Variants in EPOR observed in about 807,000 individuals in gnomAD.
EPOR encodes the protein erythropoietin receptor.
A neutral mutation model predicts 34.3 loss-of-function variants in EPOR; 20 were observed. That is an observed-to-expected ratio of 0.58 (90% CI 0.41 to 0.85). EPOR has a LOEUF of 0.85. Among genes scored for constraint, EPOR ranks in the 40% least tolerant of loss-of-function variants. The pLI, the probability that EPOR is intolerant of heterozygous loss-of-function variation, is 0.00. For synonymous variants in EPOR, 312 were observed against 299.0 expected (o/e 1.04, Z -0.45); for missense variants, 601 against 672.7 (o/e 0.89, Z 1.18).
chr19:11,381,800 G>A lies in EPOR; in HGVS notation c.477C>T (p.Ser159=), dbSNP rs1162664410. ...VGLVARLADE[S]GHVVLRWLPP... is the part of the protein sequence containing the mutation. Reference sequence around the variant, plus strand: ...GGAGCCAGCGCAACACTACGTGGCCGCTCTCGTCAGCCAACCGCGCCACCA... The same window carrying A: ...GGAGCCAGCGCAACACTACGTGGCCACTCTCGTCAGCCAACCGCGCCACCA... The change falls in exon 4 of 8, where the codon AGC becomes AGT. Residue 159 remains serine (S), a synonymous_variant. Coordinates refer to ENST00000222139, the MANE Select transcript of EPOR (RefSeq NM_000121.4). This position sits in a 1 kb window ranked among gnomAD's most constrained non-coding sequence, Gnocchi z 5.3. 1.2e-6 allele frequency: 2 copies of A among 1,613,694 alleles called. No individual in the cohort carries two copies. Among genetic ancestry groups the A allele is most frequent in the Non-Finnish European group, 1.7e-6 (2 of 1,179,818 alleles).
intron 6 of EPOR, among the ~76,000 whole-genome samples, 168 bp downstream of exon 6, chr19:11,380,716 G>C (rs557748676): frequency 6.6e-6 from 1 of 152,326 alleles, no homozygotes; most frequent in East Asian, 1.9e-4. Flanking sequence ...AAATGTTAAC[G>C]AAGAGTCTGG....
In EPOR at chr19:11,383,052, AC is replaced by A; in HGVS notation, c.251+44del. On this transcript the variant is annotated intron_variant, in intron 2 of 7. Coordinates refer to ENST00000222139, the MANE Select transcript of EPOR (RefSeq NM_000121.4). This position sits in a 1 kb window ranked among gnomAD's most constrained non-coding sequence, Gnocchi z 4.9. ...TACGACCTCCAGGGAGCTCTGCCCC[AC>A]CCCCTCCCTCCGCCCTTGGAGGCAC... The A allele has an allele frequency of 6.3e-7, 1 of 1,579,788 alleles. No homozygotes were observed.
In EPOR at chr19:11,381,225, G is replaced by A. The variant is rs1968352611; in HGVS notation, c.586-16C>T. The A allele has an allele frequency of 1.9e-6, 3 of 1,548,896 alleles. No individual in the cohort carries two copies. The highest frequency in any genetic ancestry group is 8.7e-7 in the Non-Finnish European group (1 of 1,146,952). On this transcript the variant is annotated splice_polypyrimidine_tract_variant and intron_variant, in intron 4 of 7. Transcript: ENST00000222139. The surrounding 1 kb of genome is among the most constrained non-coding windows in gnomAD (Gnocchi z 5.3). ...GGATCTCCACCTGGGGGCGGAATCAGGGCGAGGGACGCGTAGCAGACAAAA... is the reference window on the plus strand; with the variant it reads ...GGATCTCCACCTGGGGGCGGAATCAAGGCGAGGGACGCGTAGCAGACAAAA...
Position 11,378,887 on chromosome 19 carries a change from A to G in EPOR, c.828-109T>C, listed in dbSNP as rs2144695111. 8.9e-7 allele frequency: 1 copy of G among 1,121,690 alleles called. No individual in the cohort carries two copies. The highest frequency in any genetic ancestry group is 1.5e-5 in the African/African-American group (1 of 65,442). 69.5% of individuals were successfully genotyped at this position (1,121,690 alleles called of 1,614,324 possible). A position where few individuals can be genotyped will look rare whatever the true frequency, so the allele number is the denominator to read the frequency against. On this transcript the variant is annotated intron_variant, in intron 6 of 7. Coordinates refer to ENST00000222139, the MANE Select transcript of EPOR (RefSeq NM_000121.4). This position sits in a 1 kb window ranked among gnomAD's most constrained non-coding sequence, Gnocchi z 5.3. ...ACAGATACACTTGGTCCCTGTGATCACAATGGAGGCAGAGGAGTACATCAG... is the reference window on the plus strand; with the variant it reads ...ACAGATACACTTGGTCCCTGTGATCGCAATGGAGGCAGAGGAGTACATCAG...
In EPOR at chr19:11,381,826, G is replaced by GC. The variant is rs1419411220; in HGVS notation, c.450dup (p.Leu151AlafsTer7). 1 of 1,613,874 alleles carries GC rather than the reference G, an allele frequency of 6.2e-7. No homozygotes were observed. Among genetic ancestry groups the GC allele is most frequent in the Non-Finnish European group, 8.5e-7 (1 of 1,179,924 alleles). Reference sequence around the variant, plus strand: ...CTCTCGTCAGCCAACCGCGCCACCAGCCCCACGGGGGCGTCTAGGAGCACT... The same window carrying GC: ...CTCTCGTCAGCCAACCGCGCCACCAGCCCCCACGGGGGCGTCTAGGAGCACT... On this transcript the variant is annotated frameshift_variant, in exon 4 of 8. Transcript: ENST00000222139. LOFTEE classifies it high-confidence loss of function. This position sits in a 1 kb window ranked among gnomAD's most constrained non-coding sequence, Gnocchi z 5.3.
rs766378891 is a variant in EPOR, at chr19:11,378,546, G to A, written c.965C>T (p.Pro322Leu). The A allele has an allele frequency of 1.2e-6, 2 of 1,614,188 alleles. No individual in the cohort carries two copies. The highest frequency in any genetic ancestry group is 1.3e-5 in the African/African-American group (1 of 75,050). ...GGAAGCAGGTGGGTCCTCCGTGAAGGGGGTGCAGGGGCTCCACCACAGGCA... is the reference window on the plus strand; with the variant it reads ...GGAAGCAGGTGGGTCCTCCGTGAAGAGGGTGCAGGGGCTCCACCACAGGCA... ...DGCLWWSPCTPFTEDPPASLE... is the reference protein window; with the variant it reads ...DGCLWWSPCTLFTEDPPASLE... Residue 322 changes from proline to leucine, a missense_variant, in exon 8 of 8, where the codon CCC becomes CTC. Pro to Leu is a moderately conservative substitution (Grantham distance 98). Coordinates refer to ENST00000222139, the MANE Select transcript of EPOR (RefSeq NM_000121.4). This position sits in a 1 kb window ranked among gnomAD's most constrained non-coding sequence, Gnocchi z 5.3.
At position 11,381,967 on chromosome 19, in the gene EPOR, AG is replaced by A; in HGVS notation, c.389del (p.Ala130ValfsTer13). The A allele has an allele frequency of 6.2e-7, 1 of 1,614,162 alleles. No individual in the cohort carries two copies. Among genetic ancestry groups the A allele is most frequent in the Non-Finnish European group, 8.5e-7 (1 of 1,180,028 alleles). On this transcript the variant is annotated frameshift_variant, in exon 3 of 8. Coordinates refer to ENST00000222139, the MANE Select transcript of EPOR (RefSeq NM_000121.4). LOFTEE classifies it high-confidence loss of function. The surrounding 1 kb of genome is among the most constrained non-coding windows in gnomAD (Gnocchi z 5.3). The stretch of plus-strand genomic sequence containing the variant: ...TGTGGATGACACGGTGATATCGCGG[AG>A]CGCCGGAGGCTGCTGTGACGCGCAA... ...LELRVTAASGAPRYHRVIHIN... is the reference protein window; with the variant it reads ...LELRVTAASGXPRYHRVIHIN...
At position 11,378,004 on chromosome 19, in the gene EPOR, T is replaced by G; in HGVS notation, c.1507A>C (p.Ser503Arg). Residue 503 changes from serine to arginine, a missense_variant, in exon 8 of 8, where the codon AGC (serine) becomes CGC (arginine). Coordinates refer to ENST00000222139, the MANE Select transcript of EPOR (RefSeq NM_000121.4). This position sits in a 1 kb window ranked among gnomAD's most constrained non-coding sequence, Gnocchi z 5.3. ...LIPAAEPLPPSYVACS is the reference protein window; with the variant it reads ...LIPAAEPLPPRYVACS ...GTGTCCTAAGAGCAAGCCACATAGC[T>G]GGGGGGCAGAGGCTCAGCGGCTGGG... The G allele has an allele frequency of 6.2e-7, 1 of 1,614,096 alleles. No individual in the cohort carries two copies. Among genetic ancestry groups the G allele is most frequent in the South Asian group, 1.1e-5 (1 of 91,078 alleles).
rs1968292134 is a variant in EPOR at position 11,377,251 on chromosome 19, T to C, written c.*733A>G. The C allele has an allele frequency of 2.2e-6, 1 of 453,996 alleles. No individual in the cohort carries two copies. Among genetic ancestry groups the C allele is most frequent in the Non-Finnish European group, 4.4e-6 (1 of 226,798 alleles). 28.1% of individuals were successfully genotyped at this position (453,996 alleles called of 1,614,324 possible). On this transcript the variant is annotated 3_prime_UTR_variant, in exon 8 of 8. Coordinates refer to ENST00000222139, the MANE Select transcript of EPOR (RefSeq NM_000121.4). Reference sequence around the variant, plus strand: ...ATTATTATTAGTGGCAGAGACTAGCTAGTGGCCCTTAAACAGCTTTGCCCT... The same window carrying C: ...ATTATTATTAGTGGCAGAGACTAGCCAGTGGCCCTTAAACAGCTTTGCCCT...
Position 11,377,792 on chromosome 19 carries a change from G to T in EPOR, c.*192C>A. ...ATACATATGTGTATATATATATATA[G>T]ATACAAAAAAAAACTATACATATTT... On this transcript the variant is annotated 3_prime_UTR_variant, in exon 8 of 8. Transcript: ENST00000222139. The T allele has an allele frequency of 1.4e-6, 1 of 735,872 alleles. No homozygotes were observed. The highest frequency in any genetic ancestry group is 2.4e-6 in the Non-Finnish European group (1 of 409,124). 45.6% of individuals were successfully genotyped at this position (735,872 alleles called of 1,614,324 possible). A position where few individuals can be genotyped will look rare whatever the true frequency, so the allele number is the denominator to read the frequency against.
In EPOR at chr19:11,381,864, G is replaced by C. The variant is rs778995825; in HGVS notation, c.428-15C>G. The stretch of plus-strand genomic sequence containing the variant: ...GTCTAGGAGCACTGCAGGCATGGGG[G>C]TTGGTCAGGTGGGCGAGGACTGAGA... On this transcript the variant is annotated splice_polypyrimidine_tract_variant and intron_variant, in intron 3 of 7. Transcript: ENST00000222139. The surrounding 1 kb of genome is among the most constrained non-coding windows in gnomAD (Gnocchi z 5.3). 1 of 1,614,180 alleles carries C rather than the reference G, an allele frequency of 6.2e-7. No individual in the cohort carries two copies. The highest frequency in any genetic ancestry group is 1.7e-5 in the Admixed American group (1 of 60,032).
At position 11,383,294 on chromosome 19, in the gene EPOR, C is replaced by T; in HGVS notation, c.116-62G>A. ...GAGCTCTATCCTCGGGAGACAGCCC[C>T]CTCCTCTTCCCTCCCGCAGCCTGGG... is the stretch of plus-strand genomic sequence containing the variant. On this transcript the variant is annotated intron_variant, in intron 1 of 7. Transcript: ENST00000222139. This position sits in a 1 kb window ranked among gnomAD's most constrained non-coding sequence, Gnocchi z 4.9. The T allele has an allele frequency of 2.1e-6, 3 of 1,450,902 alleles. No individual in the cohort carries two copies. The highest frequency in any genetic ancestry group is 1.4e-5 in the African/African-American group (1 of 70,910). The allele number at this position is 1,450,902 out of a possible 1,614,324, so 89.9% of individuals were successfully genotyped here.
chr19:11,381,639 C>T lies in EPOR; in HGVS notation c.585+53G>A, dbSNP rs1038487205. On this transcript the variant is annotated intron_variant, in intron 4 of 7. Transcript: ENST00000222139. This position sits in a 1 kb window ranked among gnomAD's most constrained non-coding sequence, Gnocchi z 5.3. ...CCGGGCGCGACCTCGAGAGGCGTGG[C>T]TGGGCCGTAGTCAGTGGAGCTTTGG... The T allele has an allele frequency of 6.5e-7, 1 of 1,548,992 alleles. No homozygotes were observed. The highest frequency in any genetic ancestry group is 1.9e-5 in the Admixed American group (1 of 52,774).
Position 11,382,025 on chromosome 19 carries a change from G to T in EPOR, c.332C>A (p.Thr111Lys). The T allele has an allele frequency of 6.2e-7, 1 of 1,614,206 alleles. No homozygotes were observed. Among genetic ancestry groups the T allele is most frequent in the South Asian group, 1.1e-5 (1 of 91,090 alleles). Residue 111 changes from threonine (T) to lysine (K), a missense_variant, in exon 3 of 8, where the codon ACA becomes AAA. Thr to Lys is a moderately conservative substitution (Grantham distance 78, BLOSUM62 -1). Transcript: ENST00000222139. ...GGGCACGAAGCTCGACGTGTCGGCT[G>T]TAGGCAGCGAACACCAGAAGCGCAC... is the stretch of plus-strand genomic sequence containing the variant. Reference protein sequence around the residue: ...GAVRFWCSLPTADTSSFVPLE... With the variant: ...GAVRFWCSLPKADTSSFVPLE...
rs986009383 is a variant in EPOR at position 11,380,898 on chromosome 19, C to T, written c.813G>A (p.Leu271=). The stretch of plus-strand genomic sequence containing the variant: ...GGGGAGCTCACCGGCGGTGGGAGAG[C>T]AGCGCGAGCACGGTCAGCAGCACCA... ...VILVLLTVLA[L]LSHRRALKQK... The change falls in exon 6 of 8, where the codon CTG becomes CTA. Residue 271 remains leucine (L), a synonymous_variant. Transcript: ENST00000222139. 5 of 1,551,664 alleles carry T rather than the reference C, an allele frequency of 3.2e-6. No individual in the cohort carries two copies. The highest frequency in any genetic ancestry group is 4.4e-6 in the Non-Finnish European group (5 of 1,146,914).
rs1026783071 is a variant in EPOR at position 11,378,111 on chromosome 19, T to G, written c.1400A>C (p.Asp467Ala). 1.6e-5 allele frequency: 26 copies of G among 1,613,858 alleles called. No homozygotes were observed. The highest frequency in any genetic ancestry group is 1.9e-5 in the Non-Finnish European group (23 of 1,180,008). The change falls in exon 8 of 8, where the codon GAC (aspartate) becomes GCC (alanine). Residue 467 changes from aspartate (D) to alanine (A), a missense_variant. Physicochemically the swap from Asp to Ala is moderately radical, Grantham distance 126 (BLOSUM62 -2). Transcript: ENST00000222139. This position sits in a 1 kb window ranked among gnomAD's most constrained non-coding sequence, Gnocchi z 5.3. ...LVVSDSGIST[D>A]YSSGDSQGAQ... Reference sequence around the variant, plus strand: ...TCCCTGGGAGTCCCCTGAGCTGTAGTCAGTTGAGATGCCAGAGTCAGATAC... The same window carrying G: ...TCCCTGGGAGTCCCCTGAGCTGTAGGCAGTTGAGATGCCAGAGTCAGATAC...
In EPOR at chr19:11,378,045, T is replaced by C. The variant is rs1968305256; in HGVS notation, c.1466A>G (p.Tyr489Cys). The change falls in exon 8 of 8, where the codon TAT becomes TGT. Residue 489 changes from tyrosine to cysteine, a missense_variant. Physicochemically the swap from Tyr to Cys is radical, Grantham distance 194 (BLOSUM62 -2). Coordinates refer to ENST00000222139, the MANE Select transcript of EPOR (RefSeq NM_000121.4). This position sits in a 1 kb window ranked among gnomAD's most constrained non-coding sequence, Gnocchi z 5.3. ...AGCGGCTGGGATAAGGCTGTTCTCA[T>C]AAGGGTTGGAGTAGGGGCCATCGGA... ...GLSDGPYSNP[Y>C]ENSLIPAAEP... 6.2e-7 allele frequency: 1 copy of C among 1,613,948 alleles called. No individual in the cohort carries two copies. The highest frequency in any genetic ancestry group is 1.3e-5 in the African/African-American group (1 of 74,866).
chr19:11,381,923 C>G lies in EPOR; in HGVS notation c.427+7G>C, dbSNP rs374275340. 2 of 1,614,240 alleles carry G rather than the reference C, an allele frequency of 1.2e-6. No individual in the cohort carries two copies. Among genetic ancestry groups the G allele is most frequent in the Non-Finnish European group, 1.7e-6 (2 of 1,180,028 alleles). On this transcript the variant is annotated splice_region_variant and intron_variant, in intron 3 of 7. Coordinates refer to ENST00000222139, the MANE Select transcript of EPOR (RefSeq NM_000121.4). The surrounding 1 kb of genome is among the most constrained non-coding windows in gnomAD (Gnocchi z 5.3). ...TCCGACCACTCCTCCATTCCCAGAG[C>G]ACTTACCTACTTCATTGATGTGGAT...
chr19:11,382,938 G>A, intron 2 of EPOR, 159 bp downstream of exon 2: 1 of 1,546,654 alleles, frequency 6.5e-7, no homozygotes, highest in East Asian at 2.4e-5. Context: ...GCCCATAGAG[G>A]GCGTGCCAGC....
Sources: gnomAD v4.1 joint callset for allele counts (sites outside exome capture counted in the v4.1 genomes callset) on GRCh38, gnomAD v4.1.1 for gene constraint, Gnocchi (gnomAD v3.1) non-coding constraint, MANE v1.5 for transcripts, NCBI Gene and HGNC (gene_info 2026-07-23, HGNC 2026-07-21) for gene names.